The following TRIM9 variants were observed in gnomAD, a reference collection of about 807,000 sequenced individuals.
TRIM9 encodes E3 ubiquitin-protein ligase TRIM9.
Under a neutral mutation model 78.3 loss-of-function variants are expected in TRIM9, and 26 were observed. The observed-to-expected ratio is 0.33, with a 90% confidence interval of 0.24 to 0.46. The LOEUF (loss-of-function observed/expected upper bound fraction) is 0.46. Among genes scored for constraint, TRIM9 ranks in the 20% least tolerant of loss-of-function variants. The pLI, the probability that TRIM9 is intolerant of heterozygous loss-of-function variation, is 1.00. For missense variants in TRIM9, 787 were observed against 1,036.4 expected (o/e 0.76, Z 3.30); for synonymous variants, 398 against 416.5 (o/e 0.96, Z 0.54).
rs2297889 is a variant in TRIM9 at position 51,009,076 on chromosome 14, A to T, written c.1306+4T>A. ...TCTCTGACTTGGGGGATGCAAGGAC[A>T]TACCTTTCACTTGCACGAAATCCAG... On this transcript the variant is annotated splice_donor_region_variant and intron_variant, in intron 5 of 12. Coordinates refer to ENST00000684578, the MANE Select transcript of TRIM9 (RefSeq NM_001387360.1). The T allele has an allele frequency of 0.73, 1,183,301 of 1,613,240 alleles. 435,542 individuals carry two copies. Among genetic ancestry groups the T allele is most frequent in the South Asian group, 0.79 (72,353 of 91,056 alleles).
intron 1 of TRIM9, among the ~76,000 whole-genome samples, chr14:51,076,452 G>A (rs2062789532): frequency 6.6e-6 from 1 of 152,128 alleles, no homozygotes; most frequent in African/African-American, 2.4e-5. Context: ...CATGTGAGGG[G>A]AAGCAGCCAT....
chr14:51,087,830 T>C (rs1297993515), intron 1 of TRIM9, among the ~76,000 whole-genome samples: 1 of 152,230 alleles, frequency 6.6e-6, no homozygotes, highest in Non-Finnish European at 1.5e-5. Context: ...TCTATTTTTG[T>C]ATACCACAGA....
chr14:50,992,119 A>G (rs536119528), intron 7 of TRIM9, among the ~76,000 whole-genome samples: 40 of 152,334 alleles, frequency 2.6e-4, no homozygotes, highest in Non-Finnish European at 3.1e-4. Flanking sequence ...AGGCACACAC[A>G]TCACTGTCCT....
intron 1 of TRIM9, among the ~76,000 whole-genome samples, chr14:51,035,075 T>C (rs559265772): frequency 1.1e-4 from 16 of 152,326 alleles, no homozygotes; most frequent in African/African-American, 3.6e-4. Context: ...GCAATAGATA[T>C]ATGACATGAC....
chr14:51,036,226 G>A (rs1026027821), intron 1 of TRIM9, among the ~76,000 whole-genome samples: 9 of 152,146 alleles, frequency 5.9e-5, no homozygotes, highest in South Asian at 2.1e-4. Flanking sequence ...TATTAGCAAC[G>A]TCATGTTGGT....
At chr14:51,011,796 T>C (rs192810179) in intron 3 of TRIM9, among the ~76,000 whole-genome samples, 1 of 152,342 alleles carries the variant, frequency 6.6e-6, no homozygotes. Context: ...GACATTTCTT[T>C]TTAGTTTTTC....
At chr14:51,038,862 T>C (rs187166611) in intron 1 of TRIM9, among the ~76,000 whole-genome samples, 4 of 152,354 alleles carry the variant, frequency 2.6e-5, no homozygotes, top group South Asian at 2.1e-4. Context: ...CAAGTGGCTA[T>C]GGTTCAGTTC....
intron 3 of TRIM9, among the ~76,000 whole-genome samples, chr14:51,020,106 G>A (rs1303527217): frequency 1.3e-5 from 2 of 152,182 alleles, no homozygotes; most frequent in Admixed American, 6.5e-5. Flanking sequence ...CCAAAGGGAA[G>A]CGGAAGAACA....
chr14:50,977,439 A>G, intron 12 of TRIM9, 86 bp from the exon 13 acceptor site: 1 of 1,067,868 alleles, frequency 9.4e-7, no homozygotes, highest in Non-Finnish European at 1.2e-6. Flanking sequence ...TCCCTAACTC[A>G]AAAAGTGTTC....
intron 1 of TRIM9, among the ~76,000 whole-genome samples, chr14:51,049,886 A>G (rs1253553565): frequency 1.3e-5 from 2 of 152,108 alleles, no homozygotes; most frequent in Admixed American, 6.5e-5. Flanking sequence ...TAATCTGGGC[A>G]GAGGAAATGG....
At chr14:51,073,590 C>T (rs1308350994) in intron 1 of TRIM9, among the ~76,000 whole-genome samples, 3 of 152,118 alleles carry the variant, frequency 2.0e-5, no homozygotes, top group Non-Finnish European at 4.4e-5. Context: ...GAAACATAGG[C>T]AAAGTTACCA....
rs2051962387 is a variant in TRIM9, at chr14:50,981,856, T to C, written c.2106A>G (p.Ala702=). The change falls in exon 11 of 13, where the codon GCA becomes GCG. Residue 702 remains alanine, a synonymous_variant. Transcript: ENST00000684578. ...AGCTCCGGTTATTGTCCACATACAT[T>C]GCCCAAGCTTTGTCGTCTTTTCCTA... ...VMLGKDDKAW[A]MYVDNNRSWF... 6.2e-7 allele frequency: 1 copy of C among 1,614,204 alleles called. No individual in the cohort carries two copies. The highest frequency in any genetic ancestry group is 8.5e-7 in the Non-Finnish European group (1 of 1,180,044).
chr14:50,997,811 CA>C, intron 7 of TRIM9: 1 of 1,378,796 alleles, frequency 7.3e-7, no homozygotes, highest in Non-Finnish European at 9.4e-7. Flanking sequence ...AGATTGTTAT[CA>C]AAGGAAGCCG....
intron 1 of TRIM9, among the ~76,000 whole-genome samples, chr14:51,043,084 A>G (rs553145403): frequency 2.1e-4 from 32 of 152,194 alleles, no homozygotes; most frequent in Non-Finnish European, 3.2e-4. Flanking sequence ...ATTTCTAAGA[A>G]TGTTGTTATT....
intron 11 of TRIM9, among the ~76,000 whole-genome samples, chr14:50,980,948 G>A (rs1240117894): frequency 6.6e-6 from 1 of 151,758 alleles, no homozygotes; most frequent in Non-Finnish European, 1.5e-5. Flanking sequence ...TGTCTGACTT[G>A]CTTTCCCTTT....
At position 51,072,740 on chromosome 14, in the gene TRIM9, A is replaced by G. The variant is rs978444483; in HGVS notation, c.822+21378T>C. On this transcript the variant is annotated intron_variant, in intron 1 of 12. Transcript: ENST00000684578. ...TGTTCTCTTTTGAAAATCTATTTGC[A>G]TTCGTACTGTTTGCACTTAAGAACC... Among the ~76,000 whole-genome samples, 22 of 152,016 alleles carry G rather than the reference A, an allele frequency of 1.4e-4. No individual in the cohort carries two copies. In the South Asian group the frequency reaches 2.3e-3, roughly 16 times the overall value.
Position 51,009,164 on chromosome 14 carries a change from T to C in TRIM9, c.1222A>G (p.Arg408Gly), listed in dbSNP as rs763903391. 1 of 1,614,122 alleles carries C rather than the reference T, an allele frequency of 6.2e-7. No individual in the cohort carries two copies. The highest frequency in any genetic ancestry group is 8.5e-7 in the Non-Finnish European group (1 of 1,179,970). Reference sequence around the variant, plus strand: ...CTCAAGTCAAAGTCCGTGGTCATCCTTGGAGTGAGTGTGCCTTTACCCCAC... The same window carrying C: ...CTCAAGTCAAAGTCCGTGGTCATCCCTGGAGTGAGTGTGCCTTTACCCCAC... ...DQWGKGTLTP[R>G]MTTDFDLSLD... Residue 408 changes from arginine to glycine, a missense_variant, in exon 5 of 13, where the codon AGG (arginine) becomes GGG (glycine). Arg to Gly is a moderately radical substitution (Grantham distance 125). This residue lies in a region of TRIM9 where 421 missense variants were observed against 514.3 expected (regional missense o/e 0.82). Transcript: ENST00000684578.
chr14:51,040,770 A>G (rs2059524666), intron 1 of TRIM9, among the ~76,000 whole-genome samples: 1 of 152,206 alleles, frequency 6.6e-6, no homozygotes, highest in Non-Finnish European at 1.5e-5. Context: ...TGAACCACAG[A>G]TTCCTTCTCT....
intron 2 of TRIM9, among the ~76,000 whole-genome samples, chr14:51,024,005 G>A (rs1202731728): frequency 1.3e-5 from 2 of 152,166 alleles, no homozygotes; most frequent in African/African-American, 2.4e-5. Flanking sequence ...CAAGGTCTTC[G>A]TATAAGGAAT....
Sources: gnomAD v4.1 joint callset for allele counts (sites outside exome capture counted in the v4.1 genomes callset) on GRCh38, gnomAD v4.1.1 for gene constraint, gnomAD v4.1.1 regional missense constraint, MANE v1.5 for transcripts, NCBI Gene and HGNC (gene_info 2026-07-23, HGNC 2026-07-21) for gene names.